ROBO1: variants seen among roughly 807,000 people sequenced by gnomAD.
ROBO1 encodes roundabout homolog 1.
In ROBO1, 149 loss-of-function variants were observed where a neutral mutation model predicts 195.9. That is an observed-to-expected ratio of 0.76 (90% CI 0.67 to 0.87). The LOEUF is 0.87. Among genes scored for constraint, ROBO1 ranks in the 40% least tolerant of loss-of-function variants. ROBO1 has a pLI of 0.00. For synonymous variants in ROBO1, 816 were observed against 733.2 expected (o/e 1.11, Z -1.82); for missense variants, 1,933 against 2,068.3 (o/e 0.93, Z 1.27).
At chr3:79,138,638 T>C (rs2080462779) in intron 2 of ROBO1, among the ~76,000 whole-genome samples, 2 of 151,964 alleles carry the variant, frequency 1.3e-5, no homozygotes, top group African/African-American at 4.8e-5. Flanking sequence ...GGTAAGAGTT[T>C]TTTTTCTTGT....
intron 2 of ROBO1, among the ~76,000 whole-genome samples, chr3:79,378,830 C>G (rs529662600): frequency 6.6e-6 from 1 of 152,164 alleles, no homozygotes; most frequent in Non-Finnish European, 1.5e-5. Context: ...TACAAGACAA[C>G]GAAAGAGCAA....
chr3:79,277,197 G>A (rs2031112696), intron 2 of ROBO1, among the ~76,000 whole-genome samples: 1 of 152,028 alleles, frequency 6.6e-6, no homozygotes, highest in African/African-American at 2.4e-5. Flanking sequence ...ATTCACAGTA[G>A]CTAAGATTTG....
At chr3:79,203,786 T>A (rs957703980) in intron 2 of ROBO1, among the ~76,000 whole-genome samples, 3 of 152,150 alleles carry the variant, frequency 2.0e-5, no homozygotes, top group Non-Finnish European at 4.4e-5. Flanking sequence ...GAGGATTAGG[T>A]GAATTACACT....
chr3:79,645,898 T>A (rs1055727817), intron 1 of ROBO1, among the ~76,000 whole-genome samples: 1 of 152,006 alleles, frequency 6.6e-6, no homozygotes, highest in Non-Finnish European at 1.5e-5. Flanking sequence ...TAAAACTAGA[T>A]CCCTATCTCA....
At chr3:78,611,709 C>T (rs1194633975) in intron 28 of ROBO1, among the ~76,000 whole-genome samples, 1 of 152,174 alleles carries the variant, frequency 6.6e-6, no homozygotes, top group African/African-American at 2.4e-5. Context: ...TCCTAACCCC[C>T]AGTACCTCAG....
rs768191390 is a variant in ROBO1 at position 78,646,208 on chromosome 3, A to G, written c.2840-18T>C. ...GTAAGTTACTAGAATGTTACGAAAA[A>G]AAAAAGGAACAATTAATAGACATAT... On this transcript the variant is annotated intron_variant, in intron 20 of 30. Coordinates refer to ENST00000464233, the MANE Select transcript of ROBO1 (RefSeq NM_002941.4). The G allele has an allele frequency of 1.9e-6, 3 of 1,605,318 alleles. No individual in the cohort carries two copies. The highest frequency in any genetic ancestry group is 2.2e-5 in the South Asian group (2 of 90,284).
At chr3:79,006,059 A>G (rs1441562135) in intron 3 of ROBO1, among the ~76,000 whole-genome samples, 1 of 152,196 alleles carries the variant, frequency 6.6e-6, no homozygotes, top group East Asian at 1.9e-4. Flanking sequence ...AGCAATCAGT[A>G]AGCTTTAAGC....
chr3:78,866,217 C>A (rs2035167771), intron 4 of ROBO1, among the ~76,000 whole-genome samples: 1 of 152,050 alleles, frequency 6.6e-6, no homozygotes, highest in Non-Finnish European at 1.5e-5. Context: ...AACAATATTA[C>A]AAAATTATTA....
chr3:79,050,134 T>C (rs1043065702), intron 3 of ROBO1, among the ~76,000 whole-genome samples: 3 of 152,130 alleles, frequency 2.0e-5, no homozygotes, highest in African/African-American at 7.2e-5. Flanking sequence ...ATTGGTGTGC[T>C]ATATTCAGGA....
intron 3 of ROBO1, among the ~76,000 whole-genome samples, chr3:79,060,350 G>A (rs944885278): frequency 6.6e-6 from 1 of 151,920 alleles, no homozygotes; most frequent in Non-Finnish European, 1.5e-5. Flanking sequence ...TGCCTTTGAA[G>A]CATGTGATCT....
At chr3:79,098,732 C>A (rs1314943463) in intron 3 of ROBO1, among the ~76,000 whole-genome samples, 1 of 151,776 alleles carries the variant, frequency 6.6e-6, no homozygotes, top group African/African-American at 2.4e-5. Flanking sequence ...TCAAAGAATA[C>A]CTTTCTCTTT....
intron 2 of ROBO1, among the ~76,000 whole-genome samples, chr3:79,394,959 TATTA>T (rs1353008399): frequency 6.6e-6 from 1 of 152,180 alleles, no homozygotes; most frequent in African/African-American, 2.4e-5. Context: ...ATTTTACCTA[TATTA>T]ATTATTTCTG....
chr3:79,667,268 C>A (rs1161629336), intron 1 of ROBO1, among the ~76,000 whole-genome samples: 2 of 151,866 alleles, frequency 1.3e-5, no homozygotes, highest in Non-Finnish European at 2.9e-5. Context: ...AATATCATTT[C>A]TCCAGAGATA....
At chr3:79,514,056 A>G (rs1194216685) in intron 2 of ROBO1, among the ~76,000 whole-genome samples, 2 of 152,324 alleles carry the variant, frequency 1.3e-5, no homozygotes, top group Non-Finnish European at 1.5e-5. Context: ...CTATGATCCC[A>G]ACACACTTAC....
At chr3:79,089,376 G>A (rs1197314414) in intron 3 of ROBO1, among the ~76,000 whole-genome samples, 2 of 151,948 alleles carry the variant, frequency 1.3e-5, no homozygotes, top group African/African-American at 4.8e-5. Flanking sequence ...AAAAATAAAC[G>A]TCATCATTTT....
Position 79,283,984 on chromosome 3 carries a change from A to G in ROBO1, c.89-158445T>C, listed in dbSNP as rs1248992008. Among the ~76,000 whole-genome samples the G allele has an allele frequency of 4.6e-5, 7 of 152,162 alleles. No homozygotes were observed. In the East Asian group the frequency reaches 1.2e-3, roughly 25 times the overall value. On this transcript the variant is annotated intron_variant, in intron 2 of 30. Coordinates refer to ENST00000464233, the MANE Select transcript of ROBO1 (RefSeq NM_002941.4). ...AGTGCTGGGATTACAGGCGTGAGCCACCGCGCCCGGCCTATCCATGAATTC... is the reference window on the plus strand; with the variant it reads ...AGTGCTGGGATTACAGGCGTGAGCCGCCGCGCCCGGCCTATCCATGAATTC...
chr3:79,517,709 T>C (rs935540387), intron 2 of ROBO1, among the ~76,000 whole-genome samples: 3 of 152,200 alleles, frequency 2.0e-5, no homozygotes, highest in Non-Finnish European at 4.4e-5. Context: ...TAGAATGTTC[T>C]TGTATGGCCC....
At chr3:79,762,369 T>C (rs1279455886) in intron 1 of ROBO1, among the ~76,000 whole-genome samples, 1 of 152,130 alleles carries the variant, frequency 6.6e-6, no homozygotes, top group Non-Finnish European at 1.5e-5. Context: ...AATTTTAATT[T>C]CAGCATATGA....
At chr3:79,216,869 T>A (rs1269749326) in intron 2 of ROBO1, among the ~76,000 whole-genome samples, 3 of 152,094 alleles carry the variant, frequency 2.0e-5, no homozygotes, top group Non-Finnish European at 4.4e-5. Flanking sequence ...AAACCCATCT[T>A]GGTGATACAA....
Sources: allele counts gnomAD v4.1 joint callset (sites outside exome capture counted in the v4.1 genomes callset), GRCh38; gene constraint gnomAD v4.1.1; transcripts MANE v1.5; gene names NCBI Gene and HGNC (gene_info 2026-07-23, HGNC 2026-07-21).